Variants in NDUFA10 observed in about 807,000 individuals in gnomAD.
The protein encoded by NDUFA10 is NADH:ubiquinone oxidoreductase subunit A10.
Under a neutral mutation model 47.8 loss-of-function variants are expected in NDUFA10, and 40 were observed. The ratio of observed to expected loss-of-function variants is 0.84; its 90% confidence interval spans 0.65 to 1.09. The LOEUF (loss-of-function observed/expected upper bound fraction) is 1.09, where lower values mean the gene tolerates loss of function less well. Ranked by LOEUF, NDUFA10 falls within the 50% of genes least tolerant of loss-of-function variation. NDUFA10 has a pLI of 0.00. For missense variants in NDUFA10, 413 were observed against 451.1 expected (o/e 0.92, Z 0.76); for synonymous variants, 183 against 172.2 (o/e 1.06, Z -0.49).
chr2:239,974,950 A>C (rs1695457914), intron 9 of NDUFA10, among the ~76,000 whole-genome samples: 1 of 118,022 alleles, frequency 8.5e-6, no homozygotes, highest in South Asian at 2.8e-4. Flanking sequence ...TCATTTAAAA[A>C]CATGTGACAC....
chr2:239,937,375 C>T (rs1405902168), intron 4 of NDUFA10, among the ~76,000 whole-genome samples: 5 of 152,158 alleles, frequency 3.3e-5, no homozygotes, highest in Non-Finnish European at 7.3e-5. Flanking sequence ...CTGCCCGTTC[C>T]CCTTCCTCCC....
chr2:239,929,985 G>A (rs1442809372), intron 4 of NDUFA10, among the ~76,000 whole-genome samples: 27 of 71,980 alleles, frequency 3.8e-4, no homozygotes, highest in Admixed American at 9.9e-4. Context: ...CTGCTCCTCA[G>A]CCAGTCCTGC....
At chr2:239,964,929 G>A (rs1406859808) in intron 9 of NDUFA10, among the ~76,000 whole-genome samples, 6 of 152,098 alleles carry the variant, frequency 3.9e-5, no homozygotes, top group East Asian at 1.9e-4. Context: ...AAACCCACAC[G>A]ACGGCCAGCA....
rs74522677 is a variant in NDUFA10 at position 239,963,591 on chromosome 2, G to A, written c.1000-2405C>T. 3.0e-3 allele frequency among the ~76,000 whole-genome samples: 464 copies of A among 152,342 alleles called. 3 individuals are homozygous for A. The highest frequency in any genetic ancestry group is 0.011 in the African/African-American group (437 of 41,576). Reference sequence around the variant, plus strand: ...GGTGAGAGAGAGAAAGAGCTGGTCAGCCCCAGGGAAGGTAAGTGTCCGGTC... The same window carrying A: ...GGTGAGAGAGAGAAAGAGCTGGTCAACCCCAGGGAAGGTAAGTGTCCGGTC... On this transcript the variant is annotated intron_variant, in intron 9 of 9. Coordinates refer to ENST00000252711, the MANE Select transcript of NDUFA10 (RefSeq NM_004544.4).
chr2:240,019,005 C>A (rs115920469), intron 3 of NDUFA10, among the ~76,000 whole-genome samples: 2 of 152,204 alleles, frequency 1.3e-5, no homozygotes, highest in African/African-American at 4.8e-5. Context: ...CTCAACCTCA[C>A]CTCTGTCCAC....
Position 240,014,808 on chromosome 2 carries a change from G to A in NDUFA10, c.600C>T (p.Pro200=), listed in dbSNP as rs755780996. The A allele has an allele frequency of 5.6e-6, 9 of 1,614,164 alleles. No homozygotes were observed. The highest frequency in any genetic ancestry group is 7.6e-6 in the Non-Finnish European group (9 of 1,180,032). Residue 200 remains proline (P), a synonymous_variant, in exon 5 of 10, where the codon CCC becomes CCT. Coordinates refer to ENST00000252711, the MANE Select transcript of NDUFA10 (RefSeq NM_004544.4). ...CATCGATGTAAATCACCAGGTGGGG[G>A]GGCAGGTAATCGCAGATGGTGACGC... is the stretch of plus-strand genomic sequence containing the variant. ...VKSVTICDYL[P]PHLVIYIDVP...
intron 4 of NDUFA10, among the ~76,000 whole-genome samples, chr2:239,925,355 C>G (rs998366990): frequency 1.3e-5 from 2 of 152,088 alleles, no homozygotes; most frequent in African/African-American, 4.8e-5. Context: ...AATAAAGAAC[C>G]TAGAAACAGA....
At chr2:240,020,864 T>C (rs1697591278) in intron 3 of NDUFA10, among the ~76,000 whole-genome samples, 2 of 152,336 alleles carry the variant, frequency 1.3e-5, no homozygotes, top group South Asian at 4.1e-4. Context: ...TGTGATCCCG[T>C]TTCCTCCTGG....
chr2:239,961,175 GC>G lies in NDUFA10; in HGVS notation c.1010del (p.Arg337ProfsTer18), dbSNP rs771113171. ...VLHQFRELPG[R>X]KYSPGYNTEV... ...CGGTGTTGTACCCAGGGCTGTACTT[GC>G]GGCCCGGCAGCTGTGGGGGAAAAAG... On this transcript the variant is annotated frameshift_variant, in exon 10 of 10. Coordinates refer to ENST00000252711, the MANE Select transcript of NDUFA10 (RefSeq NM_004544.4). LOFTEE classifies it high-confidence loss of function. 1 of 1,609,502 alleles carries G rather than the reference GC, an allele frequency of 6.2e-7. No individual in the cohort carries two copies. The highest frequency in any genetic ancestry group is 1.1e-5 in the South Asian group (1 of 90,950).
chr2:240,015,219 T>C (rs1697301330), intron 4 of NDUFA10, among the ~76,000 whole-genome samples: 1 of 152,212 alleles, frequency 6.6e-6, no homozygotes, highest in African/African-American at 2.4e-5. Context: ...AAAAGACAGA[T>C]CTTTAGCACA....
At chr2:239,983,475 T>C in intron 9 of NDUFA10, 1 of 1,541,704 alleles carries the variant, frequency 6.5e-7, no homozygotes, top group East Asian at 2.4e-5. Context: ...AGCAACCGAA[T>C]TTCCTTAAAC....
chr2:239,971,271 C>T lies in NDUFA10; in HGVS notation c.1000-10085G>A, dbSNP rs188654404. On this transcript the variant is annotated intron_variant, in intron 9 of 9. Coordinates refer to ENST00000252711, the MANE Select transcript of NDUFA10 (RefSeq NM_004544.4). ...GAAACCTCCTGAACAAGCACCTCCC[C>T]GCCCAGGTACATCGCAAGGGTCTCC... 8.1e-4 allele frequency among the ~76,000 whole-genome samples: 123 copies of T among 152,348 alleles called. 2 individuals carry two copies. In the South Asian group the frequency reaches 0.014, roughly 17 times the overall value.
intron 9 of NDUFA10, among the ~76,000 whole-genome samples, chr2:239,963,277 A>G (rs1694928053): frequency 6.6e-6 from 1 of 152,150 alleles, no homozygotes; most frequent in African/African-American, 2.4e-5. Context: ...GGATCCCAGG[A>G]GGGGGCGCAG....
intron 4 of NDUFA10, 63 bp downstream of exon 4, chr2:240,018,490 T>C: frequency 1.2e-6 from 2 of 1,613,838 alleles, no homozygotes; most frequent in Non-Finnish European, 1.7e-6. Flanking sequence ...GCAAGGTGAG[T>C]CTATCACAGC....
At chr2:239,909,420 G>A (rs970417910) in intron 4 of NDUFA10, among the ~76,000 whole-genome samples, 8 of 152,188 alleles carry the variant, frequency 5.3e-5, no homozygotes, top group Non-Finnish European at 1.2e-4. Flanking sequence ...AGACCAGTCT[G>A]GCCAACATAG....
At chr2:239,983,700 C>T in intron 9 of NDUFA10, 2 of 1,571,794 alleles carry the variant, frequency 1.3e-6, no homozygotes, top group Non-Finnish European at 8.6e-7. Context: ...CCCCAAAACA[C>T]ACAGTCCAAT....
chr2:239,963,050 C>CG (rs71404626), intron 9 of NDUFA10, among the ~76,000 whole-genome samples: 4 of 151,980 alleles, frequency 2.6e-5, no homozygotes, highest in Non-Finnish European at 5.9e-5. Context: ...CATCTAAAGG[C>CG]GGGGGGGAGG....
downstream of NDUFA10, among the ~76,000 whole-genome samples, chr2:239,957,154 C>A (rs915227547): frequency 6.6e-6 from 1 of 152,212 alleles, no homozygotes; most frequent in African/African-American, 2.4e-5. Context: ...ACATGCACAA[C>A]CCTGCATCAG....
chr2:239,931,071 G>C (rs1294228531), intron 4 of NDUFA10, among the ~76,000 whole-genome samples: 1 of 152,218 alleles, frequency 6.6e-6, no homozygotes, highest in South Asian at 2.1e-4. Context: ...TTTGAGCAGA[G>C]CAGTGACTTG....
Sources: gnomAD v4.1 joint callset for allele counts (sites outside exome capture counted in the v4.1 genomes callset) on GRCh38, gnomAD v4.1.1 for gene constraint, MANE v1.5 for transcripts, NCBI Gene and HGNC (gene_info 2026-07-23, HGNC 2026-07-21) for gene names.